Variants in CECR2 observed in about 807,000 individuals in gnomAD.
CECR2 encodes CECR2 histone acetyl-lysine reader.
Under a neutral mutation model 154.5 loss-of-function variants are expected in CECR2, and 30 were observed. That is an observed-to-expected ratio of 0.19 (90% CI 0.15 to 0.26). The LOEUF (loss-of-function observed/expected upper bound fraction) is 0.26, where lower values mean the gene tolerates loss of function less well. Ranked by LOEUF, CECR2 falls within the 10% of genes least tolerant of loss-of-function variation. CECR2 has a pLI of 1.00. For missense variants in CECR2, 1,743 were observed against 1,829.3 expected (o/e 0.95, Z 0.86); for synonymous variants, 725 against 683.7 (o/e 1.06, Z -0.94).
At chr22:17,502,767 CA>C (rs2055762203) in intron 5 of CECR2, among the ~76,000 whole-genome samples, 1 of 152,136 alleles carries the variant, frequency 6.6e-6, no homozygotes, top group Admixed American at 6.5e-5. Flanking sequence ...CGCGCCATTG[CA>C]CTCCAGCCTA....
chr22:17,455,176 A>G (rs1166126172), intron 1 of CECR2, among the ~76,000 whole-genome samples: 1 of 152,262 alleles, frequency 6.6e-6, no homozygotes, highest in African/African-American at 2.4e-5. Flanking sequence ...CTATGACCTA[A>G]TGCTTGCTTG....
intron 1 of CECR2, among the ~76,000 whole-genome samples, chr22:17,428,826 G>GTGTGTGTGTGTGTATA (rs369291932): frequency 2.8e-4 from 42 of 150,708 alleles, no homozygotes; most frequent in Middle Eastern, 3.4e-3. Context: ...GTGTGTGTGT[G>GTGTGTGTGTGTGTATA]TATATAAAGG....
Position 17,557,744 on chromosome 22 carries a change from CCCCTT to C in CECR2, c.*4927_*4931del, listed in dbSNP as rs545043372. On this transcript the variant is annotated 3_prime_UTR_variant, in exon 19 of 19. Transcript: ENST00000262608. ...GACCCCCGTTCAGGAAACCATGCAGCCCCTTCCCTTCCCTTCCCTTCCCTTCCTTT... is the reference window on the plus strand; with the variant it reads ...GACCCCCGTTCAGGAAACCATGCAGCCCCTTCCCTTCCCTTCCCTTCCTTT... The C allele has an allele frequency of 3.8e-4, 58 of 152,168 alleles. No individual in the cohort carries two copies. Among genetic ancestry groups the C allele is most frequent in the African/African-American group, 6.7e-4 (28 of 41,500 alleles). 9.4% of individuals were successfully genotyped at this position (152,168 alleles called of 1,614,324 possible).
intron 7 of CECR2, among the ~76,000 whole-genome samples, chr22:17,511,213 T>C (rs1207902334): frequency 1.3e-5 from 2 of 152,234 alleles, no homozygotes; most frequent in Admixed American, 1.3e-4. Flanking sequence ...ACCTTGGCCT[T>C]CAAAAGTAGT....
At chr22:17,417,834 T>C (rs542465645) in intron 1 of CECR2, among the ~76,000 whole-genome samples, 95 of 152,272 alleles carry the variant, frequency 6.2e-4, no homozygotes, top group African/African-American at 2.2e-3. Flanking sequence ...TTGGTCAGGC[T>C]GGTCCTGAAC....
intron 1 of CECR2, among the ~76,000 whole-genome samples, chr22:17,363,504 G>C (rs2062987348): frequency 6.6e-6 from 1 of 152,096 alleles, no homozygotes; most frequent in African/African-American, 2.4e-5. Flanking sequence ...CACCGTGCCA[G>C]GCCAATTTTT....
chr22:17,504,064 A>AAAT (rs935713120), intron 6 of CECR2, among the ~76,000 whole-genome samples: 11 of 150,992 alleles, frequency 7.3e-5, no homozygotes, highest in African/African-American at 2.4e-4. Context: ...ATAAATAAAT[A>AAAT]AATAAATAAA....
intron 1 of CECR2, among the ~76,000 whole-genome samples, chr22:17,425,928 G>A (rs1485204341): frequency 6.6e-6 from 1 of 152,156 alleles, no homozygotes; most frequent in Non-Finnish European, 1.5e-5. Context: ...TGTGGGAAAG[G>A]CGTCTGTGCT....
rs188453787 is a variant in CECR2 at position 17,555,340 on chromosome 22, A to C, written c.*2500A>C. The C allele has an allele frequency of 6.6e-6, 1 of 152,410 alleles. No homozygotes were observed. The highest frequency in any genetic ancestry group is 1.9e-4 in the East Asian group (1 of 5,190). 9.4% of individuals were successfully genotyped at this position (152,410 alleles called of 1,614,324 possible). A position where few individuals can be genotyped will look rare whatever the true frequency, so the allele number is the denominator to read the frequency against. Reference sequence around the variant, plus strand: ...ACTACTGTATTATAACACTGTGAACAAGAACATCAGCAGCAGCAGAATTGT... The same window carrying C: ...ACTACTGTATTATAACACTGTGAACCAGAACATCAGCAGCAGCAGAATTGT... On this transcript the variant is annotated 3_prime_UTR_variant, in exon 19 of 19. Transcript: ENST00000262608.
At chr22:17,435,684 T>TAA (rs10694414) in intron 1 of CECR2, among the ~76,000 whole-genome samples, 4,200 of 90,858 alleles carry the variant, frequency 0.046, 226 homozygotes, top group East Asian at 0.14. Context: ...TTTTAATTCT[T>TAA]AAAAAAAAAA....
intron 9 of CECR2, among the ~76,000 whole-genome samples, chr22:17,529,488 CAGG>C (rs2056319127): frequency 6.6e-6 from 1 of 152,166 alleles, no homozygotes. Context: ...ATCACGAGGT[CAGG>C]AGATCAAGAC....
intron 1 of CECR2, among the ~76,000 whole-genome samples, chr22:17,409,474 G>T (rs2054035614): frequency 9.0e-6 from 1 of 111,582 alleles, no homozygotes. Context: ...CTCGTGATCC[G>T]CCTGCCTCGG....
At chr22:17,415,831 ATC>A (rs2054149392) in intron 1 of CECR2, among the ~76,000 whole-genome samples, 1 of 152,262 alleles carries the variant, frequency 6.6e-6, no homozygotes, top group African/African-American at 2.4e-5. Flanking sequence ...TGAAACTTTT[ATC>A]TCTCTGTTGT....
chr22:17,534,070 CATA>C (rs772044755), intron 9 of CECR2, among the ~76,000 whole-genome samples: 3 of 152,230 alleles, frequency 2.0e-5, no homozygotes, highest in South Asian at 4.1e-4. Context: ...CATTATGCCA[CATA>C]ATGAGATCAA....
intron 1 of CECR2, among the ~76,000 whole-genome samples, chr22:17,474,193 A>C (rs1341262695): frequency 6.6e-6 from 1 of 152,166 alleles, no homozygotes; most frequent in Non-Finnish European, 1.5e-5. Context: ...CAATGTCTTC[A>C]TCACCTCACA....
intron 1 of CECR2, among the ~76,000 whole-genome samples, chr22:17,421,484 G>A (rs918566802): frequency 6.0e-5 from 9 of 151,078 alleles, no homozygotes; most frequent in Non-Finnish European, 8.9e-5. Context: ...GTGTAGTGGC[G>A]GGCGCCTGTA....
intron 2 of CECR2, among the ~76,000 whole-genome samples, chr22:17,495,327 G>A (rs1387706931): frequency 1.3e-5 from 2 of 152,074 alleles, no homozygotes; most frequent in Non-Finnish European, 2.9e-5. Context: ...CCAGCACTCT[G>A]GGAGGCTAAG....
chr22:17,490,751 C>G (rs1444918387), intron 2 of CECR2, among the ~76,000 whole-genome samples: 1 of 152,024 alleles, frequency 6.6e-6, no homozygotes, highest in East Asian at 1.9e-4. Context: ...GCCAGGCCTC[C>G]TTGTGTTTTT....
At chr22:17,391,154 T>C (rs2063321708) in intron 1 of CECR2, among the ~76,000 whole-genome samples, 1 of 152,238 alleles carries the variant, frequency 6.6e-6, no homozygotes, top group Non-Finnish European at 1.5e-5. Flanking sequence ...CACAATGTTA[T>C]ACTCACATTT....
Sources: allele counts gnomAD v4.1 joint callset (sites outside exome capture counted in the v4.1 genomes callset), GRCh38; gene constraint gnomAD v4.1.1; transcripts MANE v1.5; gene names NCBI Gene and HGNC (gene_info 2026-07-23, HGNC 2026-07-21).